Variants in ZNF84 observed in about 807,000 individuals in gnomAD.
ZNF84 encodes the protein zinc finger protein HPF2.
In ZNF84, 12 loss-of-function variants were observed where a neutral mutation model predicts 14.8. The ratio of observed to expected loss-of-function variants is 0.81; its 90% CI spans 0.52 to 1.31. ZNF84 has a LOEUF of 1.31. Among genes scored for constraint, ZNF84 ranks in the 50% most tolerant of loss-of-function variants. The pLI, the probability that ZNF84 is intolerant of heterozygous loss-of-function variation, is 0.00. For missense variants in ZNF84, 859 were observed against 878.6 expected (o/e 0.98, Z 0.28); for synonymous variants, 347 against 291.1 (o/e 1.19, Z -1.96).
At chr12:133,043,036 A>G (rs1303126641) in intron 2 of ZNF84, among the ~76,000 whole-genome samples, 3 of 148,874 alleles carry the variant, frequency 2.0e-5, no homozygotes, top group Non-Finnish European at 3.0e-5. Flanking sequence ...ACTATATTTG[A>G]TTTTGTCTGC....
Position 133,058,426 on chromosome 12 carries a change from T to C in ZNF84, c.1711T>C (p.Tyr571His). 3 of 1,614,024 alleles carry C rather than the reference T, an allele frequency of 1.9e-6. No homozygotes were observed. Among genetic ancestry groups the C allele is most frequent in the Non-Finnish European group, 2.5e-6 (3 of 1,180,002 alleles). Residue 571 changes from tyrosine (Y) to histidine (H), a missense_variant, in exon 5 of 5, where the codon TAT (tyrosine) becomes CAT (histidine). Transcript: ENST00000539354. ...HQRTHTGEKP[Y>H]ECRDCEKAFS... ...GAGAACTCATACTGGAGAAAAACCG[T>C]ATGAATGCAGGGACTGTGAAAAAGC...
chr12:133,042,880 T>C (rs1953910191), intron 2 of ZNF84, among the ~76,000 whole-genome samples: 1 of 152,282 alleles, frequency 6.6e-6, no homozygotes, highest in East Asian at 1.9e-4. Context: ...GATCAGGAAA[T>C]AGAATATTCT....
intron 2 of ZNF84, 32 bp from the exon 3 acceptor site, chr12:133,047,923 G>T: frequency 6.2e-7 from 1 of 1,612,050 alleles, no homozygotes; most frequent in South Asian, 1.1e-5. Context: ...GGTGTTAACT[G>T]CTTCAGATTT....
chr12:133,046,589 A>G (rs1354245291), intron 2 of ZNF84, among the ~76,000 whole-genome samples: 2 of 151,410 alleles, frequency 1.3e-5, no homozygotes, highest in African/African-American at 2.4e-5. Flanking sequence ...TTGTAAGTGC[A>G]TATTTGCAGC....
intron 3 of ZNF84, 119 bp from the exon 4 acceptor site, chr12:133,048,630 ATTAC>A (rs1273393928): frequency 1.1e-5 from 7 of 633,314 alleles, no homozygotes; most frequent in African/African-American, 5.5e-5. Flanking sequence ...AACTTTGAGA[ATTAC>A]TTACTCTGTT....
chr12:133,052,583 C>A (rs1954090313), intron 4 of ZNF84, among the ~76,000 whole-genome samples: 2 of 152,166 alleles, frequency 1.3e-5, no homozygotes, highest in African/African-American at 4.8e-5. Context: ...AATCTGCCTG[C>A]CTCAGCCTCC....
In ZNF84 at chr12:133,048,026, G is replaced by A; in HGVS notation, c.87G>A (p.Gln29=). 1 of 1,614,070 alleles carries A rather than the reference G, an allele frequency of 6.2e-7. No individual in the cohort carries two copies. The highest frequency in any genetic ancestry group is 2.2e-5 in the East Asian group (1 of 44,874). The change falls in exon 3 of 5, where the codon CAG becomes CAA. Residue 29 remains glutamine, a synonymous_variant. Transcript: ENST00000539354. ...QKEWQLLDPS[Q]KNLYKDVMLE... is the part of the protein sequence containing the mutation. ...AGTGGCAGCTACTGGATCCCTCTCA[G>A]AAGAATTTATACAAGGATGTGATGT...
chr12:133,057,461 AGTTTAT>A lies in ZNF84; in HGVS notation c.747_752del (p.Gln249_Ile251delinsHis), dbSNP rs1566286097. The A allele has an allele frequency of 1.7e-5, 28 of 1,614,094 alleles. No individual in the cohort carries two copies. Among genetic ancestry groups the A allele is most frequent in the Non-Finnish European group, 2.3e-5 (27 of 1,180,042 alleles). On this transcript the variant is annotated inframe_deletion, in exon 5 of 5. Transcript: ENST00000539354. ...GGCAAAACCTTTCCCCAGAAGTCTCAGTTTATTACACATCACAGAACTCATACAGGA... is the reference window on the plus strand; with the variant it reads ...GGCAAAACCTTTCCCCAGAAGTCTCATACACATCACAGAACTCATACAGGA...
intron 2 of ZNF84, 33 bp downstream of exon 2, chr12:133,041,515 A>G: frequency 1.9e-6 from 3 of 1,609,872 alleles, no homozygotes; most frequent in Non-Finnish European, 2.6e-6. Context: ...ATTTTTTCCC[A>G]GGGAATTAGA....
chr12:133,039,310 T>A (rs1953845143), intron 1 of ZNF84, among the ~76,000 whole-genome samples: 1 of 152,162 alleles, frequency 6.6e-6, no homozygotes, highest in Non-Finnish European at 1.5e-5. Context: ...CGTCCTTCAT[T>A]TATATTTTTG....
chr12:133,063,187 C>T lies in ZNF84; in HGVS notation c.*4255C>T. On this transcript the variant is annotated 3_prime_UTR_variant, in exon 5 of 5. Coordinates refer to ENST00000539354, the MANE Select transcript of ZNF84 (RefSeq NM_001289971.2). ...AAGAGTCCCGATTGTGTTCCAGTACCTGGTTCTTCTGGTCTTCATGTTCAG... is the reference window on the plus strand; with the variant it reads ...AAGAGTCCCGATTGTGTTCCAGTACTTGGTTCTTCTGGTCTTCATGTTCAG... 3 of 702,318 alleles carry T rather than the reference C, an allele frequency of 4.3e-6. No individual in the cohort carries two copies. The Admixed American group carries it at 6.0e-5, about 14-fold the overall frequency. The allele number at this position is 702,318 out of a possible 1,614,324, so 43.5% of individuals were successfully genotyped here.
intron 2 of ZNF84, among the ~76,000 whole-genome samples, chr12:133,046,075 T>G (rs1953973248): frequency 1.3e-5 from 2 of 152,044 alleles, no homozygotes; most frequent in Non-Finnish European, 2.9e-5. Context: ...TCTAGATTTT[T>G]AAAAGATGTG....
At chr12:133,054,625 T>TG (rs1249607567) in intron 4 of ZNF84, among the ~76,000 whole-genome samples, 1 of 151,286 alleles carries the variant, frequency 6.6e-6, no homozygotes, top group African/African-American at 2.4e-5. Flanking sequence ...GGCTTTCCTT[T>TG]TTTTTTTTTT....
At chr12:133,038,940 A>G (rs1436494318) in intron 1 of ZNF84, 4 of 152,238 alleles carry the variant, frequency 2.6e-5, no homozygotes, top group Non-Finnish European at 5.9e-5. Flanking sequence ...ACAGCTTTTA[A>G]ATATGACCAT....
intron 4 of ZNF84, among the ~76,000 whole-genome samples, chr12:133,052,728 C>T (rs1954093276): frequency 1.3e-5 from 2 of 152,178 alleles, no homozygotes; most frequent in African/African-American, 2.4e-5. Context: ...GTCCTATCTC[C>T]AAATACAGCC....
rs1566286998 is a variant in ZNF84 at position 133,058,451 on chromosome 12, CT to C, written c.1739del (p.Phe580SerfsTer7). 2.9e-5 allele frequency: 47 copies of C among 1,613,978 alleles called. No homozygotes were observed. The highest frequency in any genetic ancestry group is 3.6e-5 in the Non-Finnish European group (43 of 1,180,024). On this transcript the variant is annotated frameshift_variant, in exon 5 of 5. Coordinates refer to ENST00000539354, the MANE Select transcript of ZNF84 (RefSeq NM_001289971.2). LOFTEE classifies it low-confidence loss of function (END_TRUNC). ...KPYECRDCEK[A>X]FSQKSQLNTH... ...TATGAATGCAGGGACTGTGAAAAAGCTTTCTCCCAGAAATCACAGCTAAATA... is the reference window on the plus strand; with the variant it reads ...TATGAATGCAGGGACTGTGAAAAAGCTTCTCCCAGAAATCACAGCTAAATA...
In ZNF84 at chr12:133,058,076, C is replaced by T; in HGVS notation, c.1361C>T (p.Thr454Ile). ...SHLISHQMTH[T>I]GEKPFICSKC... ...CTCATATCACATCAGATGACACACA[C>T]AGGAGAAAAACCCTTTATATGCAGT... The change falls in exon 5 of 5, where the codon ACA (threonine) becomes ATA (isoleucine). Residue 454 changes from threonine (T) to isoleucine (I), a missense_variant. Physicochemically the swap from Thr to Ile is moderately conservative, Grantham distance 89 (BLOSUM62 -1). Coordinates refer to ENST00000539354, the MANE Select transcript of ZNF84 (RefSeq NM_001289971.2). The T allele has an allele frequency of 1.2e-6, 2 of 1,613,948 alleles. No individual in the cohort carries two copies. The highest frequency in any genetic ancestry group is 1.1e-5 in the South Asian group (1 of 91,076).
Position 133,057,897 on chromosome 12 carries a change from G to A in ZNF84, c.1182G>A (p.Gln394=). The A allele has an allele frequency of 6.2e-7, 1 of 1,613,520 alleles. No individual in the cohort carries two copies. ...FFEKSELIRH[Q]TIHTGEKPYE... The stretch of plus-strand genomic sequence containing the variant: ...AGAAGTCAGAGCTTATTAGACATCA[G>A]ACAATTCATACTGGAGAGAAACCCT... Residue 394 remains glutamine, a synonymous_variant, in exon 5 of 5, where the codon CAG becomes CAA. Coordinates refer to ENST00000539354, the MANE Select transcript of ZNF84 (RefSeq NM_001289971.2).
intron 3 of ZNF84, 97 bp downstream of exon 3, chr12:133,048,178 T>C (rs1329538361): frequency 2.4e-6 from 3 of 1,239,676 alleles, no homozygotes; most frequent in East Asian, 2.5e-5. Context: ...GCTAGGCTTC[T>C]GAAATTTTTA....
Sources: gnomAD v4.1 joint callset for allele counts (sites outside exome capture counted in the v4.1 genomes callset) on GRCh38, gnomAD v4.1.1 for gene constraint, MANE v1.5 for transcripts, NCBI Gene and HGNC (gene_info 2026-07-23, HGNC 2026-07-21) for gene names.